The following DLC1 variants were observed in gnomAD, a reference collection of about 807,000 sequenced individuals.
DLC1 encodes the protein rho GTPase-activating protein 7.
Under a neutral mutation model 140.3 loss-of-function variants are expected in DLC1, and 54 were observed. The ratio of observed to expected loss-of-function variants is 0.38; its 90% confidence interval spans 0.31 to 0.48. The LOEUF (loss-of-function observed/expected upper bound fraction) is 0.48. Ranked by LOEUF, DLC1 falls within the 20% of genes least tolerant of loss-of-function variation. The probability of loss-of-function intolerance (pLI) is 0.96; values close to 1 mark genes in which losing one functional copy is unlikely to be tolerated. For synonymous variants in DLC1, 986 were observed against 728.1 expected (o/e 1.35, Z -5.70); for missense variants, 2,536 against 1,907.0 (o/e 1.33, Z -6.14).
intron 5 of DLC1, among the ~76,000 whole-genome samples, chr8:13,201,921 GTTTTTTTT>G (rs35475930): frequency 0.016 from 1,612 of 101,812 alleles, 34 homozygotes; most frequent in African/African-American, 0.055. Context: ...TACCCAAAAG[GTTTTTTTT>G]TTTTTTTTTT....
At chr8:13,115,935 C>G (rs1267072101) in intron 5 of DLC1, among the ~76,000 whole-genome samples, 1 of 152,094 alleles carries the variant, frequency 6.6e-6, no homozygotes, top group Non-Finnish European at 1.5e-5. Flanking sequence ...CTGAAGTGCT[C>G]TGATTACAAA....
chr8:13,479,356 A>G (rs182866294), intron 2 of DLC1, among the ~76,000 whole-genome samples: 4 of 152,312 alleles, frequency 2.6e-5, no homozygotes, highest in African/African-American at 9.6e-5. Context: ...ACAATAAGCA[A>G]AGCAAAAATA....
At chr8:13,384,536 A>G (rs1836428271) in intron 4 of DLC1, among the ~76,000 whole-genome samples, 1 of 152,226 alleles carries the variant, frequency 6.6e-6, no homozygotes, top group African/African-American at 2.4e-5. Context: ...AAATTCTACT[A>G]GTTTTCAATT....
chr8:13,508,564 C>T (rs916709869), intron 1 of DLC1, among the ~76,000 whole-genome samples: 3 of 151,968 alleles, frequency 2.0e-5, no homozygotes, highest in African/African-American at 4.8e-5. Flanking sequence ...ACTACAGGTG[C>T]CCATCACCAA....
At chr8:13,534,708 G>A (rs1474598769) in intron 1 of DLC1, among the ~76,000 whole-genome samples, 1 of 152,214 alleles carries the variant, frequency 6.6e-6, no homozygotes, top group Non-Finnish European at 1.5e-5. Context: ...AGAGCCAGCT[G>A]CTGTCAATTC....
At chr8:13,540,736 A>T (rs551326940) in intron 1 of DLC1, among the ~76,000 whole-genome samples, 14 of 152,312 alleles carry the variant, frequency 9.2e-5, no homozygotes, top group Admixed American at 2.0e-4. Context: ...AACCCCAACC[A>T]GTTGGTCACT....
chr8:13,432,268 T>C (rs1472327342), intron 2 of DLC1, among the ~76,000 whole-genome samples: 2 of 152,198 alleles, frequency 1.3e-5, no homozygotes, highest in African/African-American at 4.8e-5. Flanking sequence ...TCCTTGACTA[T>C]GGAAAATACT....
chr8:13,580,489 G>T lies in DLC1; in HGVS notation c.-126+24048C>A, dbSNP rs536620044. ...TTGAAAGCACAAGCTTGCCAGAAGG[G>T]GGCACAGACAGTTAGCAGGCAAAGC... On this transcript the variant is annotated intron_variant, in intron 1 of 1. Transcript: ENST00000631382. Among the ~76,000 whole-genome samples the T allele has an allele frequency of 7.9e-5, 12 of 152,210 alleles. No homozygotes were observed. The East Asian group carries it at 2.3e-3, about 29-fold the overall frequency.
intron 4 of DLC1, among the ~76,000 whole-genome samples, chr8:13,383,958 G>C (rs754932947): frequency 1.3e-5 from 2 of 152,162 alleles, no homozygotes; most frequent in Admixed American, 6.5e-5. Context: ...GGAACTGTGA[G>C]ATTAGCTGCA....
At position 13,499,861 on chromosome 8, in the gene DLC1, T is replaced by G. The variant is rs1801714274; in HGVS notation, c.211A>C (p.Arg71=). ...CCCATTGGCCTCCCAGGAAAATCTC[T>G]CAGCTCTGATCCATGACAGCAGTCA... ...LPDCCHGSEL[R]DFPGRPMGHL... The change falls in exon 2 of 18, where the codon AGA becomes CGA. Residue 71 remains arginine (R), a synonymous_variant. Transcript: ENST00000276297. 2 of 1,614,106 alleles carry G rather than the reference T, an allele frequency of 1.2e-6. No homozygotes were observed. Among genetic ancestry groups the G allele is most frequent in the Non-Finnish European group, 1.7e-6 (2 of 1,180,004 alleles).
intron 9 of DLC1, 129 bp from the exon 10 acceptor site, chr8:13,098,704 C>A: frequency 1.0e-6 from 1 of 987,222 alleles, no homozygotes; most frequent in Non-Finnish European, 1.4e-6. Flanking sequence ...CAGCCTTGAA[C>A]TCCTCAGCTC....
intron 5 of DLC1, among the ~76,000 whole-genome samples, chr8:13,139,073 A>G (rs930858877): frequency 4.6e-5 from 7 of 152,050 alleles, no homozygotes; most frequent in African/African-American, 1.4e-4. Context: ...TCACAAGCCC[A>G]CGAGTTTGAG....
At chr8:13,375,094 C>A (rs1345151987) in intron 4 of DLC1, among the ~76,000 whole-genome samples, 2 of 146,078 alleles carry the variant, frequency 1.4e-5, no homozygotes, top group African/African-American at 5.1e-5. Flanking sequence ...GTGGCACAAT[C>A]TTGGCTCACT....
chr8:13,391,301 T>G, intron 4 of DLC1, among the ~76,000 whole-genome samples: 1 of 152,186 alleles, frequency 6.6e-6, no homozygotes, highest in Non-Finnish European at 1.5e-5. Flanking sequence ...CACTGGCTGA[T>G]GAGTTGTGGC....
chr8:13,358,472 G>T lies in DLC1; in HGVS notation c.1314+35081C>A, dbSNP rs538629182. Reference sequence around the variant, plus strand: ...ACTCTGGCTAAGTATTTTCAGTTTTGTGCTGCTTAACTGCATAGGCGATTA... The same window carrying T: ...ACTCTGGCTAAGTATTTTCAGTTTTTTGCTGCTTAACTGCATAGGCGATTA... On this transcript the variant is annotated intron_variant, in intron 4 of 17. Transcript: ENST00000276297. 3.9e-5 allele frequency among the ~76,000 whole-genome samples: 6 copies of T among 152,246 alleles called. No individual in the cohort carries two copies. The South Asian group carries it at 1.2e-3, about 32-fold the overall frequency.
At chr8:13,265,652 G>T (rs1450809176) in intron 5 of DLC1, among the ~76,000 whole-genome samples, 1 of 151,952 alleles carries the variant, frequency 6.6e-6, no homozygotes, top group African/African-American at 2.4e-5. Flanking sequence ...TTCATAGGCT[G>T]TGGGTTTTTT....
intron 4 of DLC1, among the ~76,000 whole-genome samples, chr8:13,379,424 G>C (rs1040823143): frequency 6.6e-6 from 1 of 152,136 alleles, no homozygotes; most frequent in Non-Finnish European, 1.5e-5. Flanking sequence ...GCTTAGCCTA[G>C]CCTGTCTTAA....
intron 3 of DLC1, 120 bp downstream of exon 3, chr8:13,401,350 T>C: frequency 7.9e-7 from 1 of 1,265,812 alleles, no homozygotes; most frequent in Non-Finnish European, 1.1e-6. Context: ...TTTATGGTAC[T>C]GTACTGGGGT....
chr8:13,159,188 G>T (rs1385234018), intron 5 of DLC1, among the ~76,000 whole-genome samples: 1 of 152,174 alleles, frequency 6.6e-6, no homozygotes, highest in African/African-American at 2.4e-5. Context: ...AGGAGCCCAA[G>T]AAACTGTAAG....
Sources: gnomAD v4.1 joint callset for allele counts (sites outside exome capture counted in the v4.1 genomes callset) on GRCh38, gnomAD v4.1.1 for gene constraint, MANE v1.5 for transcripts, NCBI Gene and HGNC (gene_info 2026-07-23, HGNC 2026-07-21) for gene names.